Variants in R3HCC1L observed in about 807,000 individuals in gnomAD.
The protein encoded by R3HCC1L is R3H domain and coiled-coil containing 1 like, also known as coiled-coil domain-containing protein R3HCC1L.
R3HCC1L carries 51 observed loss-of-function variants against 59.9 expected under a neutral mutation model. That is an observed-to-expected ratio of 0.85 (90% confidence interval 0.68 to 1.07). The LOEUF is 1.07. R3HCC1L is among the 50% of genes least tolerant of loss of function. R3HCC1L has a pLI of 0.00. For synonymous variants in R3HCC1L, 322 were observed against 315.2 expected (o/e 1.02, Z -0.23); for missense variants, 965 against 933.0 (o/e 1.03, Z -0.45).
intron 5 of R3HCC1L, chr10:98,230,993 T>C (rs1305764720): frequency 2.4e-6 from 1 of 409,982 alleles, no homozygotes; most frequent in East Asian, 7.1e-5. Context: ...TCTTAACAAA[T>C]GCCTTTGTAA....
intron 4 of R3HCC1L, among the ~76,000 whole-genome samples, chr10:98,180,788 C>T (rs949879168): frequency 6.6e-5 from 10 of 152,076 alleles, no homozygotes; most frequent in African/African-American, 2.4e-4. Flanking sequence ...TTGAATTGAT[C>T]CCTTTACCAT....
chr10:98,198,409 T>G (rs1359102414), intron 4 of R3HCC1L, among the ~76,000 whole-genome samples: 1 of 152,106 alleles, frequency 6.6e-6, no homozygotes, highest in Non-Finnish European at 1.5e-5. Context: ...TTTGCCAGTT[T>G]GCAAGTAGAC....
chr10:98,183,228 A>G (rs1251796735), intron 4 of R3HCC1L, among the ~76,000 whole-genome samples: 1 of 151,988 alleles, frequency 6.6e-6, no homozygotes, highest in African/African-American at 2.4e-5. Flanking sequence ...ATATATTTTC[A>G]TGGATATAGA....
intron 4 of R3HCC1L, among the ~76,000 whole-genome samples, chr10:98,183,203 C>T (rs1050144185): frequency 6.6e-6 from 1 of 152,166 alleles, no homozygotes; most frequent in Non-Finnish European, 1.5e-5. Flanking sequence ...TTTTTTATTT[C>T]TTCTTCAATT....
chr10:98,198,489 A>G (rs1197481940), intron 4 of R3HCC1L, among the ~76,000 whole-genome samples: 1 of 22,154 alleles, frequency 4.5e-5, no homozygotes, highest in Non-Finnish European at 5.6e-4. Flanking sequence ...TATGCAAAGA[A>G]ATGATTTGAA....
intron 4 of R3HCC1L, 49 bp downstream of exon 4, chr10:98,163,446 C>T (rs1847638809): frequency 2.7e-6 from 3 of 1,113,030 alleles, no homozygotes; most frequent in East Asian, 2.7e-5. Context: ...TGTCTGTTTA[C>T]TCTAAAGATT....
At chr10:98,135,037 G>C (rs1264050484) in intron 1 of R3HCC1L, among the ~76,000 whole-genome samples, 1 of 152,210 alleles carries the variant, frequency 6.6e-6, no homozygotes, top group Admixed American at 6.5e-5. Flanking sequence ...ATTGAGCGGG[G>C]TCCCTGGTTA....
At chr10:98,232,958 G>A (rs1193292825) in intron 6 of R3HCC1L, among the ~76,000 whole-genome samples, 1 of 152,140 alleles carries the variant, frequency 6.6e-6, no homozygotes, top group African/African-American at 2.4e-5. Flanking sequence ...ATAACTAACA[G>A]AAAGAAAGGG....
chr10:98,227,598 A>G (rs1301055151), intron 5 of R3HCC1L, among the ~76,000 whole-genome samples: 1 of 141,766 alleles, frequency 7.1e-6, no homozygotes, highest in South Asian at 2.2e-4. Context: ...TTTTTTAATT[A>G]TACTTTAAGT....
At chr10:98,145,890 A>C (rs891418984) in intron 1 of R3HCC1L, among the ~76,000 whole-genome samples, 2 of 152,038 alleles carry the variant, frequency 1.3e-5, no homozygotes, top group African/African-American at 2.4e-5. Context: ...CGGAGGTTGC[A>C]GTGAGCCAAG....
chr10:98,192,929 C>T (rs973227941), intron 4 of R3HCC1L, among the ~76,000 whole-genome samples: 7 of 152,212 alleles, frequency 4.6e-5, no homozygotes, highest in East Asian at 1.9e-4. Context: ...GGATCTTACA[C>T]CATGACCAAG....
chr10:98,166,156 T>G (rs1216800656), intron 4 of R3HCC1L, among the ~76,000 whole-genome samples: 1 of 151,774 alleles, frequency 6.6e-6, no homozygotes, highest in Non-Finnish European at 1.5e-5. Flanking sequence ...GCAGCAAGAG[T>G]GAAAACTCTG....
At chr10:98,200,648 A>T (rs1851929026) in intron 4 of R3HCC1L, among the ~76,000 whole-genome samples, 1 of 152,118 alleles carries the variant, frequency 6.6e-6, no homozygotes, top group African/African-American at 2.4e-5. Context: ...GGCACTGCTC[A>T]ACACAAAAGG....
At chr10:98,242,427 A>G (rs757795512) in intron 9 of R3HCC1L, among the ~76,000 whole-genome samples, 3 of 152,210 alleles carry the variant, frequency 2.0e-5, no homozygotes, top group Non-Finnish European at 2.9e-5. Context: ...CGCCAAAATC[A>G]GACACATTAA....
intron 4 of R3HCC1L, among the ~76,000 whole-genome samples, chr10:98,188,855 T>G (rs1850521957): frequency 6.6e-6 from 1 of 152,142 alleles, no homozygotes; most frequent in African/African-American, 2.4e-5. Context: ...CCTTTGGCCT[T>G]GGTGGACACA....
chr10:98,209,345 A>T lies in R3HCC1L; in HGVS notation c.1231A>T (p.Ser411Cys). 6.2e-7 allele frequency: 1 copy of T among 1,614,002 alleles called. No individual in the cohort carries two copies. Among genetic ancestry groups the T allele is most frequent in the Non-Finnish European group, 8.5e-7 (1 of 1,180,002 alleles). Reference sequence around the variant, plus strand: ...TGATGAGACCTCTATTAATACACGAAGTTTCTCAAAGTTTGTAGGAATGAG... The same window carrying T: ...TGATGAGACCTCTATTAATACACGATGTTTCTCAAAGTTTGTAGGAATGAG... Reference protein sequence around the residue: ...IADETSINTRSFSKFVGMSAD... With the variant: ...IADETSINTRCFSKFVGMSAD... The change falls in exon 5 of 10, where the codon AGT becomes TGT. Residue 411 changes from serine to cysteine, a missense_variant. Transcript: ENST00000298999.
chr10:98,180,212 C>G (rs536244634), intron 4 of R3HCC1L, among the ~76,000 whole-genome samples: 36 of 152,286 alleles, frequency 2.4e-4, no homozygotes, highest in Admixed American at 4.6e-4. Flanking sequence ...AAATTTCCCT[C>G]TACACACTGC....
In R3HCC1L at chr10:98,235,528, TATA is replaced by T; in HGVS notation, c.2128+11_2128+13del. ...AAGCTAGAGCTTATGCTGGTGAGTCTATAATCTCTGGGTTTTTTTCTTGCTGAT... is the reference window on the plus strand; with the variant it reads ...AAGCTAGAGCTTATGCTGGTGAGTCTATCTCTGGGTTTTTTTCTTGCTGAT... On this transcript the variant is annotated intron_variant, in intron 8 of 9. Transcript: ENST00000298999. 1 of 1,594,372 alleles carries T rather than the reference TATA, an allele frequency of 6.3e-7. No homozygotes were observed. The highest frequency in any genetic ancestry group is 8.5e-7 in the Non-Finnish European group (1 of 1,171,504).
Position 98,208,766 on chromosome 10 carries a change from T to C in R3HCC1L, c.652T>C (p.Tyr218His). Reference sequence around the variant, plus strand: ...TGATACCAAGGTTTTGGAGATACTATATGAGTTTCCTAGAGTTTTTAGTTC... The same window carrying C: ...TGATACCAAGGTTTTGGAGATACTACATGAGTTTCCTAGAGTTTTTAGTTC... Reference protein sequence around the residue: ...ETDTKVLEILYEFPRVFSSVM... With the variant: ...ETDTKVLEILHEFPRVFSSVM... The change falls in exon 5 of 10, where the codon TAT becomes CAT. Residue 218 changes from tyrosine (Y) to histidine (H), a missense_variant. Transcript: ENST00000298999. 1 of 1,614,118 alleles carries C rather than the reference T, an allele frequency of 6.2e-7. No homozygotes were observed. The highest frequency in any genetic ancestry group is 1.1e-5 in the South Asian group (1 of 91,084).
Sources: gnomAD v4.1 joint callset for allele counts (sites outside exome capture counted in the v4.1 genomes callset) on GRCh38, gnomAD v4.1.1 for gene constraint, MANE v1.5 for transcripts, NCBI Gene and HGNC (gene_info 2026-07-23, HGNC 2026-07-21) for gene names.